RABGAP1L: variants seen among roughly 807,000 people sequenced by gnomAD.
RABGAP1L encodes the protein rab GTPase-activating protein 1-like.
Under a neutral mutation model 137.7 loss-of-function variants are expected in RABGAP1L, and 63 were observed. The ratio of observed to expected loss-of-function variants is 0.46; its 90% CI spans 0.37 to 0.56. The LOEUF is 0.56. Ranked by LOEUF, RABGAP1L falls within the 20% of genes least tolerant of loss-of-function variation. RABGAP1L has a pLI of 0.00. For missense variants in RABGAP1L, 1,095 were observed against 1,244.0 expected (o/e 0.88, Z 1.80); for synonymous variants, 431 against 433.7 (o/e 0.99, Z 0.08).
chr1:174,440,588 T>G (rs1394520678), intron 13 of RABGAP1L, among the ~76,000 whole-genome samples: 2 of 152,198 alleles, frequency 1.3e-5, no homozygotes, highest in African/African-American at 4.8e-5. Context: ...TTTATTTTTA[T>G]TTTTTGAGAC....
intron 14 of RABGAP1L, among the ~76,000 whole-genome samples, chr1:174,681,017 A>G (rs1336164014): frequency 6.6e-6 from 1 of 152,254 alleles, no homozygotes; most frequent in East Asian, 1.9e-4. Flanking sequence ...CAGGGAAATG[A>G]AAGTCAAAAC....
rs139551725 is a variant in RABGAP1L, at chr1:174,656,228, G to A, written c.1824+18740G>A. On this transcript the variant is annotated intron_variant, in intron 14 of 25. Coordinates refer to ENST00000681986, the MANE Select transcript of RABGAP1L (RefSeq NM_001366446.1). ...TCCCAGCACTTTGGGAGGCCACGGC[G>A]GGTGGATGACCTGAGGTCAGGAGTT... Among the ~76,000 whole-genome samples, 50 of 152,256 alleles carry A rather than the reference G, an allele frequency of 3.3e-4. No homozygotes were observed. The East Asian group carries it at 5.2e-3, about 16-fold the overall frequency.
intron 13 of RABGAP1L, among the ~76,000 whole-genome samples, chr1:174,469,685 A>G (rs1299466988): frequency 2.6e-5 from 4 of 152,216 alleles, no homozygotes; most frequent in African/African-American, 9.7e-5. Flanking sequence ...CAGAGTAGTC[A>G]GTCTTAAGAC....
At chr1:174,519,430 G>A (rs1228923544) in intron 13 of RABGAP1L, among the ~76,000 whole-genome samples, 2 of 152,054 alleles carry the variant, frequency 1.3e-5, no homozygotes, top group East Asian at 1.9e-4. Context: ...CAGTCTCACC[G>A]TTTTATGTTT....
At chr1:174,924,385 C>CAAAA (rs10688718) in intron 19 of RABGAP1L, among the ~76,000 whole-genome samples, 2,350 of 69,604 alleles carry the variant, frequency 0.034, 266 homozygotes, top group African/African-American at 0.055. Flanking sequence ...GACTCTGTCT[C>CAAAA]AAAAAAAAAA....
intron 17 of RABGAP1L, among the ~76,000 whole-genome samples, chr1:174,746,087 T>C (rs1282096997): frequency 1.3e-5 from 2 of 152,222 alleles, no homozygotes; most frequent in Non-Finnish European, 2.9e-5. Flanking sequence ...ACACAATCTG[T>C]CAGCTCTCTC....
chr1:174,572,264 G>C (rs1668037857), intron 13 of RABGAP1L, among the ~76,000 whole-genome samples: 1 of 152,168 alleles, frequency 6.6e-6, no homozygotes, highest in Non-Finnish European at 1.5e-5. Flanking sequence ...TTGTTGAGAA[G>C]ACTAAATGAA....
intron 13 of RABGAP1L, among the ~76,000 whole-genome samples, chr1:174,628,585 CTG>C (rs1673092770): frequency 6.6e-6 from 1 of 152,028 alleles, no homozygotes. Context: ...CATGAGGAAA[CTG>C]TAGTTTAGCA....
At chr1:174,945,092 C>T (rs1666517320) in intron 19 of RABGAP1L, among the ~76,000 whole-genome samples, 1 of 152,192 alleles carries the variant, frequency 6.6e-6, no homozygotes, top group Non-Finnish European at 1.5e-5. Context: ...TTCTTTCTCT[C>T]CTCTCTTATT....
At chr1:174,226,310 C>T (rs1243328519) in intron 3 of RABGAP1L, among the ~76,000 whole-genome samples, 2 of 152,164 alleles carry the variant, frequency 1.3e-5, no homozygotes, top group Admixed American at 6.5e-5. Flanking sequence ...CCTGTAATCC[C>T]AGCGCTTTGG....
intron 13 of RABGAP1L, among the ~76,000 whole-genome samples, chr1:174,540,581 T>C (rs941620159): frequency 6.6e-6 from 1 of 152,182 alleles, no homozygotes; most frequent in African/African-American, 2.4e-5. Flanking sequence ...TTTTGTCAGG[T>C]TTGTCAGAGA....
intron 11 of RABGAP1L, among the ~76,000 whole-genome samples, chr1:174,360,598 C>T (rs1055617195): frequency 6.6e-6 from 1 of 152,046 alleles, no homozygotes; most frequent in Non-Finnish European, 1.5e-5. Flanking sequence ...TTCAAAATGA[C>T]CCAACATATA....
chr1:174,722,475 G>T (rs1372162774), intron 17 of RABGAP1L, among the ~76,000 whole-genome samples: 1 of 151,226 alleles, frequency 6.6e-6, no homozygotes, highest in African/African-American at 2.4e-5. Context: ...TTGAGACGGA[G>T]TTTCACTCTT....
chr1:174,786,780 A>G (rs981616045), intron 18 of RABGAP1L, among the ~76,000 whole-genome samples: 1 of 152,222 alleles, frequency 6.6e-6, no homozygotes, highest in Non-Finnish European at 1.5e-5. Context: ...TAAAAGAGAC[A>G]TATATGCTTA....
At chr1:174,916,165 T>C (rs1033871469) in intron 19 of RABGAP1L, among the ~76,000 whole-genome samples, 3 of 152,018 alleles carry the variant, frequency 2.0e-5, no homozygotes, top group African/African-American at 4.8e-5. Flanking sequence ...CAGCACTATT[T>C]GTTGAAAAGA....
chr1:174,666,533 A>C (rs1448534188), intron 14 of RABGAP1L, among the ~76,000 whole-genome samples: 1 of 152,252 alleles, frequency 6.6e-6, no homozygotes, highest in Non-Finnish European at 1.5e-5. Flanking sequence ...GTATGTTAGC[A>C]GTACCAAGAA....
chr1:174,821,684 G>A (rs551182676), intron 19 of RABGAP1L, among the ~76,000 whole-genome samples: 2 of 152,232 alleles, frequency 1.3e-5, no homozygotes, highest in East Asian at 3.9e-4. Flanking sequence ...TTTATTCCTG[G>A]CTGTTGTTGC....
intron 15 of RABGAP1L, among the ~76,000 whole-genome samples, chr1:174,692,815 T>A (rs543646607): frequency 6.6e-6 from 1 of 152,166 alleles, no homozygotes; most frequent in Non-Finnish European, 1.5e-5. Context: ...ATGTATATGT[T>A]GTCTCTTAAA....
At chr1:174,585,512 G>A (rs1669051700) in intron 13 of RABGAP1L, among the ~76,000 whole-genome samples, 1 of 152,236 alleles carries the variant, frequency 6.6e-6, no homozygotes, top group East Asian at 1.9e-4. Flanking sequence ...CCCAGATCCA[G>A]TAGATTTGCT....
Sources: allele counts gnomAD v4.1 joint callset (sites outside exome capture counted in the v4.1 genomes callset), GRCh38; gene constraint gnomAD v4.1.1; transcripts MANE v1.5; gene names NCBI Gene and HGNC (gene_info 2026-07-23, HGNC 2026-07-21).